The following GABBR2 variants were observed in gnomAD, a reference collection of about 807,000 sequenced individuals.
GABBR2 encodes the protein G-protein coupled receptor 51.
Under a neutral mutation model 105.6 loss-of-function variants are expected in GABBR2, and 23 were observed. That is an observed-to-expected ratio of 0.22 (90% confidence interval 0.16 to 0.31). The LOEUF (loss-of-function observed/expected upper bound fraction) is 0.31, where lower values mean the gene tolerates loss of function less well. GABBR2 is among the 10% of genes least tolerant of loss of function. GABBR2 has a pLI of 1.00. For synonymous variants in GABBR2, 478 were observed against 499.7 expected (o/e 0.96, Z 0.58); for missense variants, 734 against 1,245.5 (o/e 0.59, Z 6.18).
intron 13 of GABBR2, among the ~76,000 whole-genome samples, chr9:98,314,125 T>G (rs1830678400): frequency 1.3e-5 from 2 of 152,168 alleles, no homozygotes; most frequent in Non-Finnish European, 2.9e-5. Context: ...CTGAAGGCTC[T>G]GCAGTAAGAA....
chr9:98,484,487 G>A (rs1826999337), intron 4 of GABBR2, among the ~76,000 whole-genome samples: 1 of 152,120 alleles, frequency 6.6e-6, no homozygotes, highest in South Asian at 2.1e-4. Context: ...TAGACGGTGA[G>A]AAAGAGGGGG....
At position 98,645,599 on chromosome 9, in the gene GABBR2, C is replaced by T. The variant is rs903910472; in HGVS notation, c.321+62818G>A. On this transcript the variant is annotated intron_variant, in intron 1 of 18. Transcript: ENST00000259455. ...TATCAGCAACTGAGTCCCCACCCCA[C>T]CCCTAAGGTTCTGAATGTCCCTGTG... is the stretch of plus-strand genomic sequence containing the variant. Among the ~76,000 whole-genome samples, 6 of 152,292 alleles carry T rather than the reference C, an allele frequency of 3.9e-5. No individual in the cohort carries two copies. The South Asian group carries it at 1.0e-3, about 26-fold the overall frequency.
At chr9:98,478,280 T>C (rs916924950) in intron 5 of GABBR2, among the ~76,000 whole-genome samples, 4 of 152,164 alleles carry the variant, frequency 2.6e-5, no homozygotes, top group Admixed American at 6.5e-5. Flanking sequence ...CGGAAGGCTC[T>C]CTTGGGGGCC....
intron 1 of GABBR2, among the ~76,000 whole-genome samples, chr9:98,585,232 G>T (rs1452152559): frequency 6.6e-6 from 1 of 151,974 alleles, no homozygotes; most frequent in Non-Finnish European, 1.5e-5. Context: ...CAAAGACTTG[G>T]AACCAACCTA....
intron 1 of GABBR2, among the ~76,000 whole-genome samples, chr9:98,588,180 C>A (rs1829101898): frequency 6.6e-6 from 1 of 152,136 alleles, no homozygotes; most frequent in Admixed American, 6.6e-5. Context: ...ATTTTCTGAA[C>A]CTAAGAACAG....
Position 98,508,229 on chromosome 9 carries a change from A to G in GABBR2, c.631-11715T>C, listed in dbSNP as rs374462500. On this transcript the variant is annotated intron_variant, in intron 3 of 18. Transcript: ENST00000259455. ...CAAACTAGAAGACGGATATTAAGAA[A>G]TCACACCTGAGAGCACCAAAGCAAG... 5.3e-5 allele frequency among the ~76,000 whole-genome samples: 8 copies of G among 152,344 alleles called. No individual in the cohort carries two copies. The East Asian group carries it at 1.5e-3, about 29-fold the overall frequency.
In GABBR2 at chr9:98,492,349, T is replaced by TAAAAA. The variant is rs574771107; in HGVS notation, c.732+4059_732+4063dup. Among the ~76,000 whole-genome samples, 150 of 29,210 alleles carry TAAAAA rather than the reference T, an allele frequency of 5.1e-3. 6 individuals are homozygous for TAAAAA. The highest frequency in any genetic ancestry group is 5.8e-3 in the Non-Finnish European group (68 of 11,652). The allele number at this position is 29,210 out of a possible 152,430, so 19.2% of individuals were successfully genotyped here. A position where few individuals can be genotyped will look rare whatever the true frequency, so the allele number is the denominator to read the frequency against. On this transcript the variant is annotated intron_variant, in intron 4 of 18. Transcript: ENST00000259455. Reference sequence around the variant, plus strand: ...GAGCCCGCTTAAGTTTGTTTCCTAGTAAAAAAAAAAAAAAAAAAAAAAAAA... The same window carrying TAAAAA: ...GAGCCCGCTTAAGTTTGTTTCCTAGTAAAAAAAAAAAAAAAAAAAAAAAAAAAAAA...
At chr9:98,464,745 A>G (rs1826510031) in intron 6 of GABBR2, among the ~76,000 whole-genome samples, 2 of 152,216 alleles carry the variant, frequency 1.3e-5, no homozygotes, top group African/African-American at 4.8e-5. Context: ...AGAAGTAGAC[A>G]TAGGAGACTC....
At chr9:98,508,713 G>C (rs868358170) in intron 3 of GABBR2, among the ~76,000 whole-genome samples, 2 of 152,240 alleles carry the variant, frequency 1.3e-5, no homozygotes, top group Non-Finnish European at 2.9e-5. Flanking sequence ...GCGAGGCTGG[G>C]GGAGGGGCGC....
intron 3 of GABBR2, among the ~76,000 whole-genome samples, chr9:98,516,486 G>A (rs1353058896): frequency 6.6e-6 from 1 of 152,138 alleles, no homozygotes; most frequent in Non-Finnish European, 1.5e-5. Flanking sequence ...TTCTAGGCAC[G>A]GAGCTGGGAC....
At chr9:98,531,517 C>A (rs1828067142) in intron 3 of GABBR2, among the ~76,000 whole-genome samples, 1 of 151,974 alleles carries the variant, frequency 6.6e-6, no homozygotes, top group Admixed American at 6.5e-5. Flanking sequence ...AGCAAAACAT[C>A]CTGGAAATGC....
chr9:98,467,458 G>A (rs561606142), intron 6 of GABBR2, among the ~76,000 whole-genome samples: 46 of 152,022 alleles, frequency 3.0e-4, no homozygotes, highest in African/African-American at 1.0e-3. Context: ...AGGAATGGGA[G>A]CTTTGTGGGG....
At chr9:98,393,342 ACCATCCATCCATCCAT>A (rs921463721) in intron 9 of GABBR2, among the ~76,000 whole-genome samples, 7 of 104,654 alleles carry the variant, frequency 6.7e-5, no homozygotes, top group Admixed American at 1.8e-4. Context: ...CATCCACCCA[ACCATCCATCCATCCAT>A]CCATCCATCC....
chr9:98,662,991 G>A (rs994294038), intron 1 of GABBR2, among the ~76,000 whole-genome samples: 10 of 152,136 alleles, frequency 6.6e-5, no homozygotes, highest in African/African-American at 2.2e-4. Flanking sequence ...TGGCTCATGA[G>A]GGAATGGAGC....
chr9:98,502,629 A>G (rs991721697), intron 3 of GABBR2, among the ~76,000 whole-genome samples: 9 of 152,124 alleles, frequency 5.9e-5, no homozygotes, highest in African/African-American at 2.2e-4. Flanking sequence ...CCTGGCTCCT[A>G]TGAATCCCCC....
At chr9:98,414,694 T>C (rs1832655667) in intron 7 of GABBR2, among the ~76,000 whole-genome samples, 1 of 152,128 alleles carries the variant, frequency 6.6e-6, no homozygotes, top group Admixed American at 6.5e-5. Flanking sequence ...CCAGACTAGG[T>C]TTTCCAGGCT....
At chr9:98,636,516 T>C in intron 1 of GABBR2, among the ~76,000 whole-genome samples, 1 of 121,328 alleles carries the variant, frequency 8.2e-6, no homozygotes, top group South Asian at 2.7e-4. Context: ...TTTTTTGAGA[T>C]GGAGTCTCAC....
chr9:98,365,397 C>A (rs1279242469), intron 12 of GABBR2, among the ~76,000 whole-genome samples: 2 of 152,136 alleles, frequency 1.3e-5, no homozygotes, highest in Admixed American at 1.3e-4. Flanking sequence ...ATCTAGGGGC[C>A]AAATGTGATA....
At chr9:98,679,597 G>A (rs1022496741) in intron 1 of GABBR2, among the ~76,000 whole-genome samples, 3 of 152,170 alleles carry the variant, frequency 2.0e-5, no homozygotes, top group African/African-American at 7.2e-5. Flanking sequence ...CCCCAAATCT[G>A]GCACCTTGGC....
Sources: allele counts gnomAD v4.1 joint callset (sites outside exome capture counted in the v4.1 genomes callset), GRCh38; gene constraint gnomAD v4.1.1; transcripts MANE v1.5; gene names NCBI Gene and HGNC (gene_info 2026-07-23, HGNC 2026-07-21).